MAPK8: variants seen among roughly 807,000 people sequenced by gnomAD.
The protein encoded by MAPK8 is mitogen-activated protein kinase 8, also known as JUN N-terminal kinase.
Under a neutral mutation model 52.9 loss-of-function variants are expected in MAPK8, and 13 were observed. That is an observed-to-expected ratio of 0.25 (90% confidence interval 0.16 to 0.39). The LOEUF (loss-of-function observed/expected upper bound fraction) is 0.39, where lower values mean the gene tolerates loss of function less well. Ranked by LOEUF, MAPK8 falls within the 10% of genes least tolerant of loss-of-function variation. The pLI is 1.00. For missense variants in MAPK8, 300 were observed against 519.2 expected (o/e 0.58, Z 4.10); for synonymous variants, 191 against 169.8 (o/e 1.12, Z -0.97).
At chr10:48,352,685 C>A (rs112340168) in intron 1 of MAPK8, among the ~76,000 whole-genome samples, 8,856 of 152,234 alleles carry the variant, frequency 0.058, 617 homozygotes, top group Admixed American at 0.21. Flanking sequence ...TGAATGCTTT[C>A]CCCTTATGAT....
intron 1 of MAPK8, among the ~76,000 whole-genome samples, chr10:48,388,562 G>GAGAC (rs2041447380): frequency 6.6e-6 from 1 of 152,134 alleles, no homozygotes; most frequent in Non-Finnish European, 1.5e-5. Flanking sequence ...ACTTACCAAT[G>GAGAC]AGACATTCTC....
Position 48,438,857 on chromosome 10 carries a change from CCTG to C in MAPK8, c.*3831_*3833del, listed in dbSNP as rs1357847729. ...TTATTACTGTTTTTGTAAGTAGAAA[CCTG>C]CTCGTGATATCGGTCCATTTACATT... On this transcript the variant is annotated 3_prime_UTR_variant, in exon 12 of 12. Coordinates refer to ENST00000374189, the MANE Select transcript of MAPK8 (RefSeq NM_001323329.2). 3.3e-5 allele frequency: 5 copies of C among 152,090 alleles called. No individual in the cohort carries two copies. The East Asian group carries it at 7.7e-4, about 23-fold the overall frequency. 9.4% of individuals were successfully genotyped at this position (152,090 alleles called of 1,614,324 possible).
intron 5 of MAPK8, among the ~76,000 whole-genome samples, chr10:48,415,258 C>T (rs902992714): frequency 6.6e-6 from 1 of 152,048 alleles, no homozygotes; most frequent in African/African-American, 2.4e-5. Flanking sequence ...TGTTTGTTTC[C>T]TGAGTCCTTA....
Position 48,411,946 on chromosome 10 carries a change from A to G in MAPK8, c.450+1778A>G, listed in dbSNP as rs57216848. Among the ~76,000 whole-genome samples the G allele has an allele frequency of 4.1e-3, 616 of 150,762 alleles. 5 individuals carry two copies. The highest frequency in any genetic ancestry group is 0.017 in the East Asian group (86 of 5,106). On this transcript the variant is annotated intron_variant, in intron 5 of 11. Coordinates refer to ENST00000374189, the MANE Select transcript of MAPK8 (RefSeq NM_001323329.2). ...TGCAACCTCTACCTCCTGGGTTCAA[A>G]CAATTCTCCTGCCGCAGCCTCCCAA...
At chr10:48,422,572 T>G (rs748154342) in intron 6 of MAPK8, among the ~76,000 whole-genome samples, 4 of 152,170 alleles carry the variant, frequency 2.6e-5, no homozygotes, top group Non-Finnish European at 4.4e-5. Context: ...TTTCTGAAAG[T>G]TACCAAATAA....
rs373923883 is a variant in MAPK8, at chr10:48,404,849, C to T, written c.123-3C>T. The T allele has an allele frequency of 8.2e-6, 13 of 1,586,266 alleles. No individual in the cohort carries two copies. In the African/African-American group the frequency reaches 1.4e-4, roughly 17 times the overall value. On this transcript the variant is annotated splice_polypyrimidine_tract_variant and splice_region_variant and intron_variant, in intron 2 of 11. Coordinates refer to ENST00000374189, the MANE Select transcript of MAPK8 (RefSeq NM_001323329.2). ...TTGTGTGTTTTTGAATTTCTTATTA[C>T]AGCGCAGCTTATGATGCCATTCTTG...
intron 1 of MAPK8, among the ~76,000 whole-genome samples, chr10:48,341,661 T>C (rs1845277580): frequency 6.6e-6 from 1 of 152,242 alleles, no homozygotes; most frequent in Non-Finnish European, 1.5e-5. Flanking sequence ...AAGCATTACC[T>C]ATCTTCTTGG....
intron 1 of MAPK8, among the ~76,000 whole-genome samples, chr10:48,315,615 G>A (rs202194627): frequency 1.1e-5 from 1 of 87,144 alleles, no homozygotes; most frequent in Non-Finnish European, 2.5e-5. Context: ...TTTTTTTTTT[G>A]CTGGAAATGG....
chr10:48,387,336 A>G (rs1342151035), intron 1 of MAPK8, among the ~76,000 whole-genome samples: 1 of 152,104 alleles, frequency 6.6e-6, no homozygotes, highest in Admixed American at 6.6e-5. Flanking sequence ...TGCTTAAAGG[A>G]TTTGCCCTCT....
chr10:48,358,416 A>G (rs1847188015), intron 1 of MAPK8, among the ~76,000 whole-genome samples: 1 of 152,190 alleles, frequency 6.6e-6, no homozygotes, highest in African/African-American at 2.4e-5. Flanking sequence ...TCATGGGGTA[A>G]TGATGTTGAA....
chr10:48,365,579 C>G (rs542298228), intron 1 of MAPK8, among the ~76,000 whole-genome samples: 33 of 152,220 alleles, frequency 2.2e-4, no homozygotes, highest in South Asian at 1.7e-3. Flanking sequence ...TGTGGAAATT[C>G]TAAACCTTTG....
chr10:48,322,240 T>A (rs1843067857), intron 1 of MAPK8, among the ~76,000 whole-genome samples: 1 of 152,108 alleles, frequency 6.6e-6, no homozygotes, highest in Non-Finnish European at 1.5e-5. Flanking sequence ...CAGAGATGAA[T>A]GTAACGATTA....
chr10:48,410,007 G>A (rs2042665736), intron 4 of MAPK8, 23 bp from the exon 5 acceptor site: 3 of 1,604,098 alleles, frequency 1.9e-6, no homozygotes, highest in Non-Finnish European at 2.5e-6. Flanking sequence ...CACTTTAGCT[G>A]TTCTCTTTTT....
intron 1 of MAPK8, among the ~76,000 whole-genome samples, chr10:48,386,722 C>T (rs971324570): frequency 7.2e-5 from 11 of 152,080 alleles, no homozygotes; most frequent in Admixed American, 6.6e-5. Flanking sequence ...CCATTACTTT[C>T]GGAGGCCAAG....
At chr10:48,396,720 A>T (rs905017860) in intron 1 of MAPK8, among the ~76,000 whole-genome samples, 1 of 152,218 alleles carries the variant, frequency 6.6e-6, no homozygotes, top group African/African-American at 2.4e-5. Context: ...ATATTCAGTA[A>T]GAAAAAGAGC....
At chr10:48,342,257 C>T (rs563900293) in intron 1 of MAPK8, among the ~76,000 whole-genome samples, 1 of 152,220 alleles carries the variant, frequency 6.6e-6, no homozygotes, top group South Asian at 2.1e-4. Context: ...GCACACACCA[C>T]CTCGCCCATC....
Position 48,426,014 on chromosome 10 carries a change from A to C in MAPK8, c.815A>C (p.Glu272Ala), listed in dbSNP as rs569412118. Residue 272 changes from glutamate (E) to alanine (A), a missense_variant, in exon 8 of 12, where the codon GAG becomes GCG. By Grantham distance (107) the Glu-to-Ala change is moderately radical (BLOSUM62 -1). Transcript: ENST00000374189. ...CCTAAATATGCTGGATATAGCTTTGAGAAACTCTTCCCTGATGTCCTTTTC... is the reference window on the plus strand; with the variant it reads ...CCTAAATATGCTGGATATAGCTTTGCGAAACTCTTCCCTGATGTCCTTTTC... ...NRPKYAGYSF[E>A]KLFPDVLFPA... The C allele has an allele frequency of 6.2e-7, 1 of 1,613,166 alleles. No homozygotes were observed. The highest frequency in any genetic ancestry group is 1.7e-5 in the Admixed American group (1 of 59,920).
chr10:48,385,291 T>G (rs1318574267), intron 1 of MAPK8, among the ~76,000 whole-genome samples: 3 of 152,204 alleles, frequency 2.0e-5, no homozygotes, highest in Non-Finnish European at 4.4e-5. Context: ...GTTTTGTTTT[T>G]CATAACCCTC....
chr10:48,310,168 G>A (rs918799973), intron 1 of MAPK8, among the ~76,000 whole-genome samples: 5 of 152,170 alleles, frequency 3.3e-5, no homozygotes, highest in Non-Finnish European at 5.9e-5. Context: ...TCTGGACTTT[G>A]TCATCAAATT....
Sources: allele counts gnomAD v4.1 joint callset (sites outside exome capture counted in the v4.1 genomes callset), GRCh38; gene constraint gnomAD v4.1.1; transcripts MANE v1.5; gene names NCBI Gene and HGNC (gene_info 2026-07-23, HGNC 2026-07-21).